Variants in TBC1D14 observed in about 807,000 individuals in gnomAD.
The protein encoded by TBC1D14 is TBC1 domain family, member 14.
In TBC1D14, 26 loss-of-function variants were observed where a neutral mutation model predicts 79.0. The observed-to-expected ratio is 0.33, with a 90% CI of 0.24 to 0.46. The LOEUF (loss-of-function observed/expected upper bound fraction) is 0.46. Among genes scored for constraint, TBC1D14 ranks in the 20% least tolerant of loss-of-function variants. The pLI, the probability that TBC1D14 is intolerant of heterozygous loss-of-function variation, is 1.00. For synonymous variants in TBC1D14, 394 were observed against 349.9 expected (o/e 1.13, Z -1.40); for missense variants, 769 against 887.6 (o/e 0.87, Z 1.70).
At chr4:7,014,713 A>C (rs1012800583) in intron 12 of TBC1D14, among the ~76,000 whole-genome samples, 156 bp downstream of exon 12, 1 of 152,110 alleles carries the variant, frequency 6.6e-6, no homozygotes, top group African/African-American at 2.4e-5. Flanking sequence ...TATTTCCATC[A>C]GTGCCTCCGC....
At chr4:6,913,194 T>C (rs548889850) in intron 1 of TBC1D14, among the ~76,000 whole-genome samples, 1 of 152,212 alleles carries the variant, frequency 6.6e-6, no homozygotes, top group African/African-American at 2.4e-5. Flanking sequence ...AGGGTTTTGC[T>C]ATATTGGCCA....
At chr4:6,924,890 G>T (rs1370824557) in intron 2 of TBC1D14, among the ~76,000 whole-genome samples, 1 of 152,182 alleles carries the variant, frequency 6.6e-6, no homozygotes, top group African/African-American at 2.4e-5. Flanking sequence ...GTGGGCTTGT[G>T]GCCTGGGGGT....
In TBC1D14 at chr4:6,923,512, C is replaced by A; in HGVS notation, c.123C>A (p.Leu41=). ...QHVNLKAPRL[L]SAPEYGPKLK... is the part of the protein sequence containing the mutation. ...TCAATCTCAAGGCGCCCCGACTCCTCTCCGCGCCTGAGTACGGGCCCAAGC... is the reference window on the plus strand; with the variant it reads ...TCAATCTCAAGGCGCCCCGACTCCTATCCGCGCCTGAGTACGGGCCCAAGC... Residue 41 remains leucine (L), a synonymous_variant, in exon 2 of 14, where the codon CTC becomes CTA. Coordinates refer to ENST00000409757, the MANE Select transcript of TBC1D14 (RefSeq NM_020773.3). 6.2e-7 allele frequency: 1 copy of A among 1,614,216 alleles called. No homozygotes were observed. The highest frequency in any genetic ancestry group is 8.5e-7 in the Non-Finnish European group (1 of 1,180,044).
chr4:6,924,688 A>G (rs1354578168), intron 2 of TBC1D14, among the ~76,000 whole-genome samples: 1 of 152,050 alleles, frequency 6.6e-6, no homozygotes, highest in Non-Finnish European at 1.5e-5. Context: ...CTCCGTCCCC[A>G]TGGGGCCTTG....
intron 2 of TBC1D14, among the ~76,000 whole-genome samples, chr4:6,952,701 T>G (rs1222019444): frequency 6.6e-6 from 1 of 152,222 alleles, no homozygotes; most frequent in African/African-American, 2.4e-5. Context: ...TAAGGGATGA[T>G]GGAGCTGACT....
chr4:7,010,078 GGTAA>G, intron 10 of TBC1D14, 130 bp downstream of exon 10: 1 of 1,002,774 alleles, frequency 1.0e-6, no homozygotes, highest in South Asian at 1.4e-5. Context: ...AAAGTCTCGT[GGTAA>G]GTGAGTTAAG....
At chr4:6,974,137 C>T (rs781728305) in intron 3 of TBC1D14, among the ~76,000 whole-genome samples, 4 of 152,136 alleles carry the variant, frequency 2.6e-5, no homozygotes, top group Non-Finnish European at 5.9e-5. Flanking sequence ...TGAGCCGCTG[C>T]GCCCAGGCCT....
At chr4:6,953,878 C>T (rs1166313861) in intron 2 of TBC1D14, among the ~76,000 whole-genome samples, 1 of 152,110 alleles carries the variant, frequency 6.6e-6, no homozygotes, top group Non-Finnish European at 1.5e-5. Context: ...GCGCTGTGTG[C>T]TTGGCGCTTT....
chr4:7,004,009 G>GA (rs944866670), intron 7 of TBC1D14, among the ~76,000 whole-genome samples: 14 of 151,032 alleles, frequency 9.3e-5, no homozygotes, highest in Admixed American at 5.9e-4. Context: ...CTCCATCTCG[G>GA]AAAAAAAAAG....
intron 3 of TBC1D14, among the ~76,000 whole-genome samples, chr4:6,989,089 C>T (rs1158958177): frequency 2.6e-5 from 4 of 152,042 alleles, no homozygotes; most frequent in African/African-American, 9.7e-5. Context: ...TCTTTTCGCT[C>T]TTAAAACAAA....
intron 12 of TBC1D14, among the ~76,000 whole-genome samples, chr4:7,015,093 G>A (rs971615950): frequency 2.2e-4 from 33 of 152,082 alleles, no homozygotes; most frequent in African/African-American, 7.2e-4. Flanking sequence ...GGCAGAGGAC[G>A]GCAGGCGATG....
intron 9 of TBC1D14, among the ~76,000 whole-genome samples, 176 bp from the exon 10 acceptor site, chr4:7,009,701 G>T (rs1002786028): frequency 1.3e-5 from 2 of 152,340 alleles, no homozygotes; most frequent in South Asian, 4.1e-4. Context: ...CCCTAGCTGT[G>T]AATGGGTAAT....
At chr4:7,007,667 AG>A (rs1461420518) in intron 9 of TBC1D14, 1 of 1,205,446 alleles carries the variant, frequency 8.3e-7, no homozygotes, top group African/African-American at 1.6e-5. Context: ...TGCAGCAGGC[AG>A]TTGACTTAGC....
chr4:7,008,923 A>G lies in TBC1D14; in HGVS notation c.1447-954A>G, dbSNP rs529118176. On this transcript the variant is annotated intron_variant, in intron 9 of 13. Coordinates refer to ENST00000409757, the MANE Select transcript of TBC1D14 (RefSeq NM_020773.3). ...AGTCCTTAGACTGGCATTTGGTGCC[A>G]CTGCAGACCGTCACCCCCACCCTAG... 8.5e-5 allele frequency among the ~76,000 whole-genome samples: 13 copies of G among 152,328 alleles called. No homozygotes were observed. In the South Asian group the frequency reaches 2.3e-3, roughly 27 times the overall value.
intron 2 of TBC1D14, among the ~76,000 whole-genome samples, chr4:6,925,902 G>A (rs890892553): frequency 2.6e-5 from 4 of 152,192 alleles, no homozygotes; most frequent in African/African-American, 9.7e-5. Flanking sequence ...AGAATCAGAA[G>A]CTCAGCGAGA....
intron 2 of TBC1D14, among the ~76,000 whole-genome samples, chr4:6,933,282 T>TCCCCC (rs1711964515): frequency 9.5e-5 from 1 of 10,500 alleles, no homozygotes. Context: ...CCCTCCCCCT[T>TCCCCC]CCCCTTCCCC....
chr4:6,991,083 C>T (rs866766163), intron 3 of TBC1D14, among the ~76,000 whole-genome samples: 15 of 152,206 alleles, frequency 9.9e-5, no homozygotes, highest in Middle Eastern at 3.2e-3. Context: ...GAAAGGGTGC[C>T]TAAGGTTTTG....
intron 2 of TBC1D14, among the ~76,000 whole-genome samples, chr4:6,935,087 A>C (rs918007651): frequency 3.9e-5 from 6 of 152,190 alleles, no homozygotes; most frequent in Non-Finnish European, 8.8e-5. Context: ...GCGCCACTGC[A>C]TTCCAGCCTG....
chr4:7,025,205 G>T lies in TBC1D14; in HGVS notation c.1959G>T (p.Glu653Asp). The change falls in exon 13 of 14, where the codon GAG becomes GAT. Residue 653 changes from glutamate (E) to aspartate (D), a missense_variant. Coordinates refer to ENST00000409757, the MANE Select transcript of TBC1D14 (RefSeq NM_020773.3). The stretch of plus-strand genomic sequence containing the variant: ...TGCCCGAGGACCTGCCCGCCGAGGA[G>T]CTGTTTGCCTCCATCGCCACGATCC... ...TRLPEDLPAEELFASIATIQM... is the reference protein window; with the variant it reads ...TRLPEDLPAEDLFASIATIQM... 1 of 1,614,242 alleles carries T rather than the reference G, an allele frequency of 6.2e-7. No individual in the cohort carries two copies. The highest frequency in any genetic ancestry group is 8.5e-7 in the Non-Finnish European group (1 of 1,180,040).
Sources: gnomAD v4.1 joint callset for allele counts (sites outside exome capture counted in the v4.1 genomes callset) on GRCh38, gnomAD v4.1.1 for gene constraint, MANE v1.5 for transcripts, NCBI Gene and HGNC (gene_info 2026-07-23, HGNC 2026-07-21) for gene names.